MGST2: variants seen among roughly 807,000 people sequenced by gnomAD.
MGST2 encodes microsomal glutathione S-transferase 2, also known as glutathione peroxidase MGST2.
MGST2 carries 9 observed loss-of-function variants against 16.6 expected under a neutral mutation model. The observed-to-expected ratio is 0.54, with a 90% CI of 0.33 to 0.95. The LOEUF (loss-of-function observed/expected upper bound fraction) is 0.95, where lower values mean the gene tolerates loss of function less well. Ranked by LOEUF, MGST2 falls within the 40% of genes least tolerant of loss-of-function variation. MGST2 has a pLI of 0.03. For missense variants in MGST2, 159 were observed against 175.1 expected (o/e 0.91, Z 0.52); for synonymous variants, 79 against 68.0 (o/e 1.16, Z -0.79).
downstream of MGST2, among the ~76,000 whole-genome samples, chr4:139,743,744 A>G (rs1729233730): frequency 6.6e-6 from 1 of 152,214 alleles, no homozygotes; most frequent in Non-Finnish European, 1.5e-5. Context: ...GTTACTTTCT[A>G]TAGAAAGCCT....
intron 5 of MGST2, among the ~76,000 whole-genome samples, chr4:139,738,423 G>T (rs182929035): frequency 1.3e-5 from 2 of 152,138 alleles, no homozygotes; most frequent in African/African-American, 4.8e-5. Context: ...TGTGCCTGTA[G>T]TCCCAGTTAC....
At chr4:139,692,436 C>T (rs1360831902) in intron 2 of MGST2, among the ~76,000 whole-genome samples, 1 of 152,248 alleles carries the variant, frequency 6.6e-6, no homozygotes, top group East Asian at 1.9e-4. Flanking sequence ...ATGCCACTGT[C>T]CTGCTCCCCA....
chr4:139,744,523 A>G (rs1438495372), downstream of MGST2, among the ~76,000 whole-genome samples: 1 of 152,228 alleles, frequency 6.6e-6, no homozygotes, highest in East Asian at 1.9e-4. Context: ...CTCCCCCTGA[A>G]GTCTGAGCAC....
intron 2 of MGST2, among the ~76,000 whole-genome samples, chr4:139,686,118 T>C (rs1286014795): frequency 6.6e-6 from 1 of 152,208 alleles, no homozygotes; most frequent in African/African-American, 2.4e-5. Flanking sequence ...ATTTAAGAAA[T>C]ACATTGGTTT....
At chr4:139,707,010 A>T (rs1394331557), downstream of MGST2, among the ~76,000 whole-genome samples, 1 of 152,102 alleles carries the variant, frequency 6.6e-6, no homozygotes, top group Non-Finnish European at 1.5e-5. Flanking sequence ...GATAGAGAAG[A>T]ACTTTTCTGC....
intron 5 of MGST2, among the ~76,000 whole-genome samples, chr4:139,736,491 C>T (rs1728951114): frequency 6.6e-6 from 1 of 152,126 alleles, no homozygotes; most frequent in Non-Finnish European, 1.5e-5. Context: ...TCTCAGTCCC[C>T]ACCCCCTGAA....
intron 2 of MGST2, among the ~76,000 whole-genome samples, chr4:139,694,216 T>G (rs1436274172): frequency 6.6e-6 from 1 of 151,554 alleles, no homozygotes; most frequent in Non-Finnish European, 1.5e-5. Flanking sequence ...AGAAAAAAGA[T>G]CACTTATGGT....
At chr4:139,696,222 A>G (rs1726914334) in intron 3 of MGST2, among the ~76,000 whole-genome samples, 1 of 152,162 alleles carries the variant, frequency 6.6e-6, no homozygotes, top group South Asian at 2.1e-4. Context: ...GAAAAGGTGA[A>G]GGAGGTGGAA....
At chr4:139,739,679 G>GTTTCTT (rs200037455) in intron 5 of MGST2, among the ~76,000 whole-genome samples, 3 of 132,358 alleles carry the variant, frequency 2.3e-5, no homozygotes, top group Non-Finnish European at 4.7e-5. Flanking sequence ...GAGGAAAGCA[G>GTTTCTT]TTTTTTTTTT....
intron 2 of MGST2, chr4:139,685,128 G>C (rs1314931193): frequency 6.6e-6 from 1 of 152,300 alleles, no homozygotes; most frequent in East Asian, 1.9e-4. Flanking sequence ...TACCAGTCCA[G>C]CCACTGTTCC....
chr4:139,702,842 TG>T (rs1481316665), intron 3 of MGST2, among the ~76,000 whole-genome samples: 13 of 136,626 alleles, frequency 9.5e-5, no homozygotes, highest in African/African-American at 1.3e-4. Context: ...TTTGTGTTAC[TG>T]GTTTTTTTTT....
chr4:139,737,679 A>T (rs992688633), intron 5 of MGST2, among the ~76,000 whole-genome samples: 1 of 152,240 alleles, frequency 6.6e-6, no homozygotes, highest in African/African-American at 2.4e-5. Context: ...GAAACAAAAT[A>T]AAATAAAACC....
At chr4:139,712,747 G>A (rs1283524745) in intron 5 of MGST2, among the ~76,000 whole-genome samples, 2 of 152,158 alleles carry the variant, frequency 1.3e-5, no homozygotes, top group Non-Finnish European at 2.9e-5. Context: ...GGACTGTGTA[G>A]GCAAGGTATG....
At chr4:139,698,597 G>A (rs1727067516) in intron 3 of MGST2, 2 of 793,712 alleles carry the variant, frequency 2.5e-6, no homozygotes, top group Non-Finnish European at 2.2e-6. Context: ...CCTTCGGCTG[G>A]AGCTCGGCGA....
chr4:139,714,671 G>A (rs1727872952), intron 5 of MGST2, among the ~76,000 whole-genome samples: 1 of 152,184 alleles, frequency 6.6e-6, no homozygotes, highest in South Asian at 2.1e-4. Flanking sequence ...TCAACATGTG[G>A]TCTCTGGGCA....
chr4:139,678,971 T>C (rs795589), intron 2 of MGST2: 159,284 of 350,564 alleles, frequency 0.45, 37,916 homozygotes, highest in East Asian at 0.76. Flanking sequence ...AGTCTGAAGT[T>C]GGATTCGTTA....
chr4:139,745,647 G>T (rs990482769), downstream of MGST2, among the ~76,000 whole-genome samples: 41 of 152,296 alleles, frequency 2.7e-4, no homozygotes, highest in African/African-American at 9.4e-4. Context: ...CAGTCCACAT[G>T]GCTACCAGAA....
At chr4:139,685,629 A>G (rs1020281999) in intron 2 of MGST2, among the ~76,000 whole-genome samples, 8 of 152,178 alleles carry the variant, frequency 5.3e-5, no homozygotes, top group African/African-American at 1.9e-4. Context: ...CAACAAAAAG[A>G]GTCAAACTCT....
chr4:139,743,781 T>G (rs949525280), downstream of MGST2, among the ~76,000 whole-genome samples: 1 of 152,204 alleles, frequency 6.6e-6, no homozygotes, highest in African/African-American at 2.4e-5. Context: ...TAATCATATT[T>G]AGAAGCATAT....
Sources: gnomAD v4.1 joint callset for allele counts (sites outside exome capture counted in the v4.1 genomes callset) on GRCh38, gnomAD v4.1.1 for gene constraint, MANE v1.5 for transcripts, NCBI Gene and HGNC (gene_info 2026-07-23, HGNC 2026-07-21) for gene names.